Variants in EI24 observed in about 807,000 individuals in gnomAD.
EI24 encodes the protein etoposide-induced protein 2.4 homolog.
A neutral mutation model predicts 48.6 loss-of-function variants in EI24; 21 were observed. The ratio of observed to expected loss-of-function variants is 0.43; its 90% CI spans 0.31 to 0.62. The LOEUF (loss-of-function observed/expected upper bound fraction) is 0.62, where lower values mean the gene tolerates loss of function less well. Ranked by LOEUF, EI24 falls within the 20% of genes least tolerant of loss-of-function variation. The pLI, the probability that EI24 is intolerant of heterozygous loss-of-function variation, is 0.10. For synonymous variants in EI24, 114 were observed against 145.5 expected, an observed-to-expected ratio of 0.78 and a Z score of 1.56; for missense variants, 280 against 410.5, an observed-to-expected ratio of 0.68 and a Z score of 2.75.
chr11:125,577,685 T>A, intron 5 of EI24, 115 bp downstream of exon 5: 1 of 878,820 alleles, frequency 1.1e-6, no homozygotes, highest in Non-Finnish European at 1.7e-6. Context: ...GTTTATTTTC[T>A]TTTTTGTTGT....
At chr11:125,579,162 T>C (rs559483143) in intron 7 of EI24, 94 bp downstream of exon 7, 247 of 1,241,624 alleles carry the variant, frequency 2.0e-4, no homozygotes, top group Non-Finnish European at 2.4e-4. Flanking sequence ...ATTATATTTA[T>C]ACAGAGTATT....
rs61493355 is a variant in EI24 at position 125,575,784 on chromosome 11, AT to A, written c.188+391del. On this transcript the variant is annotated intron_variant, in intron 3 of 10. Transcript: ENST00000278903. ...AAAAGCTGGTTCCATATATATACACATTTTTTTTTTTTTTTGAGACGGATTC... is the reference window on the plus strand; with the variant it reads ...AAAAGCTGGTTCCATATATATACACATTTTTTTTTTTTTTGAGACGGATTC... 6.6e-3 allele frequency: 1,224 copies of A among 185,780 alleles called. 1 individual carries two copies. Among genetic ancestry groups the A allele is most frequent in the South Asian group, 0.02 (282 of 14,450 alleles). 11.5% of individuals were successfully genotyped at this position (185,780 alleles called of 1,614,324 possible).
chr11:125,579,524 C>T (rs1053270012), intron 7 of EI24, among the ~76,000 whole-genome samples: 7 of 151,796 alleles, frequency 4.6e-5, no homozygotes, highest in Non-Finnish European at 1.0e-4. Flanking sequence ...AAATTAGCTG[C>T]GCGTGGTGGC....
chr11:125,575,139 A>G, intron 2 of EI24, 124 bp from the exon 3 acceptor site: 1 of 810,330 alleles, frequency 1.2e-6, no homozygotes, highest in South Asian at 1.9e-5. Flanking sequence ...AGGCAGGAGG[A>G]TCATTTGAAC....
chr11:125,569,796 G>A (rs543820748), intron 1 of EI24: 14 of 273,436 alleles, frequency 5.1e-5, no homozygotes, highest in African/African-American at 2.9e-4. Flanking sequence ...GTGTGACCCG[G>A]AGCGTGCGTG....
chr11:125,571,931 A>G (rs1938550622), intron 1 of EI24, among the ~76,000 whole-genome samples: 1 of 152,222 alleles, frequency 6.6e-6, no homozygotes, highest in Non-Finnish European at 1.5e-5. Context: ...ACGCAATTTC[A>G]TGTCATACCT....
chr11:125,578,038 G>A (rs1420122413), intron 5 of EI24, 95 bp from the exon 6 acceptor site: 69 of 1,451,510 alleles, frequency 4.8e-5, no homozygotes, highest in Non-Finnish European at 6.3e-5. Flanking sequence ...AAAGATCCAG[G>A]AGGAGACAGA....
At chr11:125,575,657 G>A (rs1360613522) in intron 3 of EI24, 1 of 285,884 alleles carries the variant, frequency 3.5e-6, no homozygotes, top group Non-Finnish European at 6.8e-6. Context: ...TACTTCTAGG[G>A]AAGCCTGTGT....
chr11:125,572,951 C>T (rs1161771466), intron 2 of EI24, among the ~76,000 whole-genome samples: 1 of 151,486 alleles, frequency 6.6e-6, no homozygotes, highest in Non-Finnish European at 1.5e-5. Context: ...AACATATAAC[C>T]GTGGTATATT....
chr11:125,578,879 G>A lies in EI24; in HGVS notation c.442-70G>A, dbSNP rs1056716452. The A allele has an allele frequency of 4.0e-6, 6 of 1,506,770 alleles. No homozygotes were observed. The African/African-American group carries it at 5.6e-5, about 14-fold the overall frequency. The allele number at this position is 1,506,770 out of a possible 1,614,324, so 93.3% of individuals were successfully genotyped here. On this transcript the variant is annotated intron_variant, in intron 6 of 10. Coordinates refer to ENST00000278903, the MANE Select transcript of EI24 (RefSeq NM_004879.5). ...AACTGGCAGCTCTAGTGGCGGACTA[G>A]TGGCCTTAGCTTTGGGGATGTATAT...
intron 3 of EI24, chr11:125,575,804 C>T (rs770123477): frequency 3.0e-5 from 7 of 235,666 alleles, no homozygotes; most frequent in South Asian, 1.0e-4. Context: ...TTTTTTGAGA[C>T]GGATTCTTGC....
intron 4 of EI24, among the ~76,000 whole-genome samples, chr11:125,577,052 T>C (rs527323813): frequency 1.3e-5 from 2 of 152,206 alleles, no homozygotes; most frequent in Admixed American, 1.3e-4. Context: ...ATGGATCCAG[T>C]TTTGGTGCTT....
intron 4 of EI24, 105 bp downstream of exon 4, chr11:125,576,420 T>C: frequency 9.9e-7 from 1 of 1,008,278 alleles, no homozygotes; most frequent in Non-Finnish European, 1.5e-6. Context: ...AGTTTTCATC[T>C]GCTGATGTAC....
At chr11:125,578,363 A>C in intron 6 of EI24, 106 bp downstream of exon 6, 1 of 1,462,364 alleles carries the variant, frequency 6.8e-7, no homozygotes, top group Non-Finnish European at 9.4e-7. Flanking sequence ...CCTGTTTTTC[A>C]GCCTTAATGT....
intron 5 of EI24, 112 bp from the exon 6 acceptor site, chr11:125,578,021 G>A: frequency 7.7e-7 from 1 of 1,304,630 alleles, no homozygotes; most frequent in Non-Finnish European, 1.1e-6. Flanking sequence ...GTGCTGGCAA[G>A]AACTAGAAAG....
chr11:125,581,195 G>A lies in EI24; in HGVS notation c.674-16G>A, dbSNP rs911751275. ...AGGAAATATAATATCTAATTGTATT[G>A]GCTTTCTTGTTTTAGGAATTGAAAT... On this transcript the variant is annotated splice_polypyrimidine_tract_variant and intron_variant, in intron 8 of 10. Transcript: ENST00000278903. 8 of 1,573,898 alleles carry A rather than the reference G, an allele frequency of 5.1e-6. No individual in the cohort carries two copies. Among genetic ancestry groups the A allele is most frequent in the African/African-American group, 1.4e-5 (1 of 73,904 alleles).
intron 8 of EI24, 112 bp downstream of exon 8, chr11:125,580,316 G>A: frequency 1.3e-6 from 1 of 792,160 alleles, no homozygotes; most frequent in South Asian, 1.6e-5. Context: ...ATCCTTTGAG[G>A]GAAGCAGCCT....
chr11:125,581,337 G>A lies in EI24; in HGVS notation c.785+15G>A. 1 of 1,528,002 alleles carries A rather than the reference G, an allele frequency of 6.5e-7. No homozygotes were observed. Among genetic ancestry groups the A allele is most frequent in the Non-Finnish European group, 9.0e-7 (1 of 1,110,162 alleles). 94.7% of individuals were successfully genotyped at this position (1,528,002 alleles called of 1,614,324 possible). On this transcript the variant is annotated intron_variant, in intron 9 of 10. Coordinates refer to ENST00000278903, the MANE Select transcript of EI24 (RefSeq NM_004879.5). ...TATATTATCAGGTAATTTGGCTACA[G>A]GGATTTGAAGGAGACTAGTAAAAAT...
In EI24 at chr11:125,577,577, G is replaced by A. The variant is rs1328817042; in HGVS notation, c.316+7G>A. ...GTAACAGCCCGAATTATCGGTAAGT[G>A]TATACCCTGCTCCTTGTCTGTTGGG... On this transcript the variant is annotated splice_region_variant and intron_variant, in intron 5 of 10. Coordinates refer to ENST00000278903, the MANE Select transcript of EI24 (RefSeq NM_004879.5). 3 of 1,611,648 alleles carry A rather than the reference G, an allele frequency of 1.9e-6. No individual in the cohort carries two copies. Among genetic ancestry groups the A allele is most frequent in the Admixed American group, 3.3e-5 (2 of 59,806 alleles).
Sources: allele counts gnomAD v4.1 joint callset (sites outside exome capture counted in the v4.1 genomes callset), GRCh38; gene constraint gnomAD v4.1.1; transcripts MANE v1.5; gene names NCBI Gene and HGNC (gene_info 2026-07-23, HGNC 2026-07-21).